The following PARD3B variants were observed in gnomAD, a reference collection of about 807,000 sequenced individuals.
PARD3B encodes partitioning defective 3 homolog B.
Under a neutral mutation model 130.2 loss-of-function variants are expected in PARD3B, and 103 were observed. The observed-to-expected ratio is 0.79, with a 90% CI of 0.67 to 0.93. PARD3B has a LOEUF of 0.93. Among genes scored for constraint, PARD3B ranks in the 40% least tolerant of loss-of-function variants. PARD3B has a pLI of 0.00. For missense variants in PARD3B, 1,609 were observed against 1,499.2 expected (o/e 1.07, Z -1.21); for synonymous variants, 583 against 553.2 (o/e 1.05, Z -0.76).
intron 2 of PARD3B, among the ~76,000 whole-genome samples, chr2:204,909,487 GATAA>G (rs1427628686): frequency 6.6e-6 from 1 of 152,098 alleles, no homozygotes. Context: ...CATAAATATA[GATAA>G]ATATAAAGTT....
intron 1 of PARD3B, among the ~76,000 whole-genome samples, chr2:204,662,244 C>T (rs2080601): frequency 0.67 from 102,252 of 152,058 alleles, 37,570 homozygotes; most frequent in South Asian, 0.81. Context: ...ATTAATATTA[C>T]CACTGATCTT....
intron 21 of PARD3B, among the ~76,000 whole-genome samples, chr2:205,501,319 C>T (rs905513573): frequency 6.6e-6 from 1 of 152,190 alleles, no homozygotes; most frequent in African/African-American, 2.4e-5. Context: ...GACTATGGAT[C>T]GGAACAAACA....
intron 2 of PARD3B, among the ~76,000 whole-genome samples, chr2:204,713,410 C>T (rs527356007): frequency 5.6e-5 from 8 of 141,918 alleles, no homozygotes; most frequent in East Asian, 2.0e-4. Context: ...ATAAAATAGA[C>T]GTACCATAAA....
At chr2:204,810,250 T>C (rs191481767) in intron 2 of PARD3B, among the ~76,000 whole-genome samples, 5 of 152,262 alleles carry the variant, frequency 3.3e-5, no homozygotes, top group Admixed American at 2.0e-4. Context: ...TTCTCTTGCC[T>C]GATAGCTGTG....
chr2:204,598,535 A>T (rs1462170525), intron 1 of PARD3B, among the ~76,000 whole-genome samples: 1 of 152,118 alleles, frequency 6.6e-6, no homozygotes, highest in Non-Finnish European at 1.5e-5. Context: ...TGATAGGGCC[A>T]TTATGGGGAT....
At chr2:204,747,433 G>C (rs1010097417) in intron 2 of PARD3B, among the ~76,000 whole-genome samples, 4 of 152,112 alleles carry the variant, frequency 2.6e-5, no homozygotes, top group Non-Finnish European at 4.4e-5. Flanking sequence ...AATAAAAGAG[G>C]ACACAAACAA....
In PARD3B at chr2:205,125,710, A is replaced by G; in HGVS notation, c.1407A>G (p.Gln469=). ...CAGCATCGCTGGTCATTGCCCGCCA[A>G]GAAGGACATTTTCTGCCCCGAGAGT... ...GETASLVIAR[Q]EGHFLPRELK... Residue 469 remains glutamine (Q), a synonymous_variant, in exon 10 of 23, where the codon CAA becomes CAG. Transcript: ENST00000406610. This position sits in a 1 kb window ranked among gnomAD's most constrained non-coding sequence, Gnocchi z 4.0. The G allele has an allele frequency of 6.2e-7, 1 of 1,614,220 alleles. No homozygotes were observed. Among genetic ancestry groups the G allele is most frequent in the Non-Finnish European group, 8.5e-7 (1 of 1,180,042 alleles).
chr2:205,037,291 GTGGACTATTTGTATAAAA>G, intron 3 of PARD3B, among the ~76,000 whole-genome samples: 1 of 127,100 alleles, frequency 7.9e-6, no homozygotes, highest in Non-Finnish European at 1.7e-5. Context: ...TATATATATA[GTGGACTATTTGTATAAAA>G]TATATATAGT....
chr2:205,546,167 T>TGA (rs2052371204), intron 21 of PARD3B, among the ~76,000 whole-genome samples: 1 of 152,176 alleles, frequency 6.6e-6, no homozygotes, highest in Non-Finnish European at 1.5e-5. Flanking sequence ...TCACAGGCTG[T>TGA]CATAATCCAG....
chr2:205,475,675 G>C (rs1015762517), intron 20 of PARD3B, among the ~76,000 whole-genome samples: 1 of 152,090 alleles, frequency 6.6e-6, no homozygotes, highest in Admixed American at 6.6e-5. Flanking sequence ...AAATTATGAA[G>C]AAGAACTTAC....
chr2:204,842,085 T>C (rs2044278093), intron 2 of PARD3B, among the ~76,000 whole-genome samples: 1 of 152,192 alleles, frequency 6.6e-6, no homozygotes, highest in Non-Finnish European at 1.5e-5. Context: ...TAATTTTTTC[T>C]AATTATTTGG....
At position 204,667,322 on chromosome 2, in the gene PARD3B, G is replaced by GT. The variant is rs889318209; in HGVS notation, c.121-18851dup. Reference sequence around the variant, plus strand: ...GATGTTGGCAAATGCTCAAATATTTGTTTTTTTTAAACTCAATTTTTTTAC... The same window carrying GT: ...GATGTTGGCAAATGCTCAAATATTTGTTTTTTTTTAAACTCAATTTTTTTAC... On this transcript the variant is annotated intron_variant, in intron 1 of 22. Coordinates refer to ENST00000406610, the MANE Select transcript of PARD3B (RefSeq NM_001302769.2). Among the ~76,000 whole-genome samples the GT allele has an allele frequency of 2.0e-4, 30 of 151,640 alleles. No individual in the cohort carries two copies. In the East Asian group the frequency reaches 5.6e-3, roughly 28 times the overall value.
chr2:204,958,149 G>A (rs573315108), intron 2 of PARD3B, among the ~76,000 whole-genome samples: 6 of 152,198 alleles, frequency 3.9e-5, no homozygotes, highest in Admixed American at 6.5e-5. Context: ...ATTTTACTCT[G>A]TAGCATTTGG....
At chr2:205,089,603 C>G (rs1575750917) in intron 4 of PARD3B, among the ~76,000 whole-genome samples, 2 of 152,328 alleles carry the variant, frequency 1.3e-5, no homozygotes, top group South Asian at 4.1e-4. Context: ...TAGTGCTGTA[C>G]ACCAACTACC....
intron 2 of PARD3B, among the ~76,000 whole-genome samples, chr2:204,936,711 T>G (rs1455980865): frequency 6.6e-6 from 1 of 152,236 alleles, no homozygotes; most frequent in Non-Finnish European, 1.5e-5. Flanking sequence ...ATCCTCATAT[T>G]CTTGTTTTAA....
At chr2:205,286,200 C>A (rs1459405663) in intron 16 of PARD3B, among the ~76,000 whole-genome samples, 1 of 152,108 alleles carries the variant, frequency 6.6e-6, no homozygotes, top group African/African-American at 2.4e-5. Flanking sequence ...ACTTATGAGA[C>A]TGGCATCCCT....
At chr2:205,195,162 T>G (rs2036615330) in intron 15 of PARD3B, among the ~76,000 whole-genome samples, 1 of 152,144 alleles carries the variant, frequency 6.6e-6, no homozygotes, top group Non-Finnish European at 1.5e-5. Context: ...ACTGAAATAG[T>G]CCTAGCAAAA....
chr2:204,785,109 T>C (rs1234571539), intron 2 of PARD3B, among the ~76,000 whole-genome samples: 8 of 152,198 alleles, frequency 5.3e-5, no homozygotes, highest in African/African-American at 1.9e-4. Flanking sequence ...AAAGAATATA[T>C]ACCCAAACTC....
intron 1 of PARD3B, among the ~76,000 whole-genome samples, chr2:204,622,199 A>G (rs2034327682): frequency 6.6e-6 from 1 of 152,128 alleles, no homozygotes; most frequent in South Asian, 2.1e-4. Context: ...TCTTTCCAGG[A>G]TGATGTGCGT....
Sources: gnomAD v4.1 joint callset for allele counts (sites outside exome capture counted in the v4.1 genomes callset) on GRCh38, gnomAD v4.1.1 for gene constraint, Gnocchi (gnomAD v3.1) non-coding constraint, MANE v1.5 for transcripts, NCBI Gene and HGNC (gene_info 2026-07-23, HGNC 2026-07-21) for gene names.